MED12L: variants seen among roughly 807,000 people sequenced by gnomAD.
The protein encoded by MED12L is mediator of RNA polymerase II transcription subunit 12-like protein.
Under a neutral mutation model 281.3 loss-of-function variants are expected in MED12L, and 60 were observed. The observed-to-expected ratio is 0.21, with a 90% CI of 0.17 to 0.26. The LOEUF is 0.26. Among genes scored for constraint, MED12L ranks in the 10% least tolerant of loss-of-function variants. The pLI is 1.00. For missense variants in MED12L, 2,146 were observed against 2,680.9 expected (o/e 0.80, Z 4.41); for synonymous variants, 974 against 987.2 (o/e 0.99, Z 0.25).
chr3:151,436,626 T>TTTGA lies in MED12L; in HGVS notation c.*3825_*3828dup, dbSNP rs1357935741. ...ATTCATTTACATGCCTATGGCTGCC[T>TTTGA]TTGATTAAACTTCTTCCAAAAAATA... On this transcript the variant is annotated 3_prime_UTR_variant, in exon 45 of 45. Coordinates refer to ENST00000687756, the MANE Select transcript of MED12L (RefSeq NM_001393769.1). 1.7e-6 allele frequency: 2 copies of TTTGA among 1,202,196 alleles called. No homozygotes were observed. Among genetic ancestry groups the TTTGA allele is most frequent in the African/African-American group, 3.1e-5 (2 of 65,470 alleles). The allele number at this position is 1,202,196 out of a possible 1,614,324, so 74.5% of individuals were successfully genotyped here. A position where few individuals can be genotyped will look rare whatever the true frequency, so the allele number is the denominator to read the frequency against.
chr3:151,178,181 A>AAAAAAAAAAAAAAAAAAAAAAAAAAAG (rs1560124057), intron 11 of MED12L, among the ~76,000 whole-genome samples: 1 of 149,332 alleles, frequency 6.7e-6, no homozygotes, highest in African/African-American at 2.5e-5. Flanking sequence ...AAAAAAAAAA[A>AAAAAAAAAAAAAAAAAAAAAAAAAAAG]AAAGAAAGTG....
Position 151,360,470 on chromosome 3 carries a change from T to G in MED12L, c.2826-4T>G. The G allele has an allele frequency of 1.2e-6, 2 of 1,610,884 alleles. No homozygotes were observed. The highest frequency in any genetic ancestry group is 8.5e-7 in the Non-Finnish European group (1 of 1,178,382). On this transcript the variant is annotated splice_polypyrimidine_tract_variant and splice_region_variant and intron_variant, in intron 20 of 44. Transcript: ENST00000687756. ...CTTATTTCTTCGTATATTTTTCTCC[T>G]CAGGTTGTGTGGTGTGGTCAAGCAT...
intron 16 of MED12L, among the ~76,000 whole-genome samples, chr3:151,292,288 C>CTTTT (rs35742538): frequency 7.1e-6 from 1 of 139,894 alleles, no homozygotes. Flanking sequence ...AATATTGCTC[C>CTTTT]TTTTTTTTTT....
intron 16 of MED12L, among the ~76,000 whole-genome samples, chr3:151,283,106 T>G (rs1652316669): frequency 1.3e-5 from 2 of 152,248 alleles, no homozygotes; most frequent in African/African-American, 4.8e-5. Context: ...AAATGCCTGG[T>G]ACAATATCAC....
chr3:151,207,104 T>G (rs1250223676), intron 16 of MED12L, among the ~76,000 whole-genome samples: 1 of 150,782 alleles, frequency 6.6e-6, no homozygotes, highest in East Asian at 2.0e-4. Context: ...TGGAGTGCAG[T>G]GGTTATTCAG....
intron 4 of MED12L, among the ~76,000 whole-genome samples, chr3:151,126,403 A>G (rs778762461): frequency 5.9e-5 from 9 of 152,140 alleles, no homozygotes; most frequent in Non-Finnish European, 1.0e-4. Context: ...GAAAAGCTTT[A>G]TGGTTCTTTG....
At chr3:151,288,823 GC>G (rs11330082) in intron 16 of MED12L, among the ~76,000 whole-genome samples, 121,034 of 151,334 alleles carry the variant, frequency 0.8, 48,438 homozygotes, top group Middle Eastern at 0.89. Context: ...GTTGCATAAA[GC>G]TATCAAACTT....
chr3:151,101,752 A>T (rs1193031857), intron 2 of MED12L, among the ~76,000 whole-genome samples: 1 of 152,076 alleles, frequency 6.6e-6, no homozygotes, highest in African/African-American at 2.4e-5. Context: ...TGTTAGATTT[A>T]TCTCACTAGC....
rs1270376441 is a variant in MED12L at position 151,380,091 on chromosome 3, GTTA to G, written c.4479-15_4479-13del. On this transcript the variant is annotated intron_variant, in intron 31 of 44. Coordinates refer to ENST00000687756, the MANE Select transcript of MED12L (RefSeq NM_001393769.1). Reference sequence around the variant, plus strand: ...TGCATTATTTCTAACTAGATCTGTTGTTATTATTACTTCCTTTGTAGTATGTCT... The same window carrying G: ...TGCATTATTTCTAACTAGATCTGTTGTTATTACTTCCTTTGTAGTATGTCT... 8.5e-6 allele frequency: 12 copies of G among 1,416,684 alleles called. No homozygotes were observed. The highest frequency in any genetic ancestry group is 3.5e-4 in the Middle Eastern group (2 of 5,660). The allele number at this position is 1,416,684 out of a possible 1,614,324, so 87.8% of individuals were successfully genotyped here. A position where few individuals can be genotyped will look rare whatever the true frequency, so the allele number is the denominator to read the frequency against.
intron 11 of MED12L, among the ~76,000 whole-genome samples, chr3:151,171,420 A>C (rs1003917392): frequency 2.0e-5 from 3 of 152,134 alleles, no homozygotes; most frequent in Admixed American, 1.3e-4. Flanking sequence ...GACAGGCTAA[A>C]GGTGGCAGGA....
chr3:151,323,036 C>T (rs140494615), intron 16 of MED12L, among the ~76,000 whole-genome samples: 1 of 152,306 alleles, frequency 6.6e-6, no homozygotes, highest in Non-Finnish European at 1.5e-5. Flanking sequence ...GCAAATCGTT[C>T]AAGCTAACGG....
intron 19 of MED12L, 25 bp from the exon 20 acceptor site, chr3:151,357,188 T>C: frequency 6.4e-7 from 1 of 1,553,298 alleles, no homozygotes; most frequent in Non-Finnish European, 8.7e-7. Flanking sequence ...CCTACATGTT[T>C]ATTCAGTCTT....
At chr3:151,205,218 T>C (rs1318219530) in intron 16 of MED12L, among the ~76,000 whole-genome samples, 1 of 152,234 alleles carries the variant, frequency 6.6e-6, no homozygotes, top group African/African-American at 2.4e-5. Flanking sequence ...ATGTCATCAC[T>C]AATACACACC....
chr3:151,098,356 A>G (rs950358874), intron 2 of MED12L, among the ~76,000 whole-genome samples: 17 of 152,226 alleles, frequency 1.1e-4, no homozygotes, highest in Non-Finnish European at 1.8e-4. Context: ...TGGGGCTGCC[A>G]TAACAAATGA....
chr3:151,327,836 A>G (rs111263026), intron 16 of MED12L: 4 of 548,440 alleles, frequency 7.3e-6, no homozygotes, highest in African/African-American at 1.9e-5. Context: ...GAATAGATCT[A>G]TGTGGATTTA....
intron 21 of MED12L, among the ~76,000 whole-genome samples, chr3:151,361,645 A>G (rs569468003): frequency 1.3e-5 from 2 of 152,244 alleles, no homozygotes; most frequent in South Asian, 4.1e-4. Context: ...CTTATCCAGA[A>G]TTTGTATTGA....
intron 24 of MED12L, 44 bp downstream of exon 24, chr3:151,367,810 C>T: frequency 1.3e-6 from 2 of 1,569,680 alleles, no homozygotes; most frequent in Non-Finnish European, 1.7e-6. Context: ...TGATTGTTGT[C>T]TTGATGGAGT....
At chr3:151,202,316 C>T (rs1725721052) in intron 16 of MED12L, among the ~76,000 whole-genome samples, 1 of 152,186 alleles carries the variant, frequency 6.6e-6, no homozygotes, top group Non-Finnish European at 1.5e-5. Context: ...AGTAGTGCAG[C>T]AACAACAATA....
rs1017917739 is a variant in MED12L, at chr3:151,312,999, T to C, written c.2251-37060T>C. 5.3e-5 allele frequency among the ~76,000 whole-genome samples: 8 copies of C among 152,324 alleles called. No homozygotes were observed. The South Asian group carries it at 1.5e-3, about 28-fold the overall frequency. On this transcript the variant is annotated intron_variant, in intron 16 of 44. Coordinates refer to ENST00000687756, the MANE Select transcript of MED12L (RefSeq NM_001393769.1). ...TTTTTCAGATGAAAAAACCTGAGGCTTAGAGAGAATACTTGGAATACAATA... is the reference window on the plus strand; with the variant it reads ...TTTTTCAGATGAAAAAACCTGAGGCCTAGAGAGAATACTTGGAATACAATA...
Sources: gnomAD v4.1 joint callset for allele counts (sites outside exome capture counted in the v4.1 genomes callset) on GRCh38, gnomAD v4.1.1 for gene constraint, MANE v1.5 for transcripts, NCBI Gene and HGNC (gene_info 2026-07-23, HGNC 2026-07-21) for gene names.